GPRC5D: variants seen among roughly 807,000 people sequenced by gnomAD.
GPRC5D encodes the protein G protein-coupled receptor family C group 5 member D.
In GPRC5D, 20 loss-of-function variants were observed where a neutral mutation model predicts 29.3. That is an observed-to-expected ratio of 0.68 (90% CI 0.48 to 0.99). The LOEUF (loss-of-function observed/expected upper bound fraction) is 0.99, where lower values mean the gene tolerates loss of function less well. GPRC5D is among the 50% of genes least tolerant of loss of function. GPRC5D has a pLI of 0.00. For missense variants in GPRC5D, 384 were observed against 423.6 expected (o/e 0.91, Z 0.82); for synonymous variants, 178 against 171.3 (o/e 1.04, Z -0.30).
chr12:12,949,932 G>A (rs753719593), exon 1 of GPRC5D: 50 of 1,613,746 alleles, frequency 3.1e-5, no homozygotes, highest in Non-Finnish European at 4.1e-5. Flanking sequence ...CTCTGGTCAT[G>A]ATGAGAGTCA....
intron 2 of GPRC5D, 77 bp downstream of exon 3, chr12:12,942,184 A>G (rs1300921868): frequency 1.1e-6 from 1 of 929,060 alleles, no homozygotes; most frequent in Non-Finnish European, 1.8e-6. Context: ...AAGCCATTAG[A>G]AATGAAGCCT....
rs777649046 is a variant in GPRC5D, at chr12:12,949,628, A to G, written c.757T>C (p.Phe253Leu). The G allele has an allele frequency of 4.0e-5, 65 of 1,614,064 alleles. 1 individual carries two copies. Among genetic ancestry groups the G allele is most frequent in the Non-Finnish European group, 5.5e-5 (65 of 1,180,038 alleles). Residue 253 changes from phenylalanine (F) to leucine (L), a missense_variant, in exon 1 of 3, where the codon TTC (phenylalanine) becomes CTC (leucine). Transcript: ENST00000228887. Reference sequence around the variant, plus strand: ...TCAGGGACGATGTACAGCAGCAGGAAAACCCATGCGTTGGTGACCAGAGCA... The same window carrying G: ...TCAGGGACGATGTACAGCAGCAGGAGAACCCATGCGTTGGTGACCAGAGCA...
At chr12:12,944,820 TCCTTCCTTCCTTCCTTCCTTCCTTCC>T (rs1565477085) in intron 1 of GPRC5D, among the ~76,000 whole-genome samples, 2 of 13,992 alleles carry the variant, frequency 1.4e-4, no homozygotes, top group African/African-American at 2.8e-4. Flanking sequence ...CTTCCTTCCT[TCCTTCCTTCCTTCCTTCCTTCCTTCC>T]TTCCTTCTTT....
intron 1 of GPRC5D, chr12:12,948,333 A>G (rs927021216): frequency 1.3e-5 from 2 of 153,208 alleles, no homozygotes; most frequent in Non-Finnish European, 2.9e-5. Flanking sequence ...CTTTTATGGG[A>G]AAAAGTGTGT....
At chr12:12,942,188 G>A in intron 2 of GPRC5D, 73 bp downstream of exon 3, 1 of 948,078 alleles carries the variant, frequency 1.1e-6, no homozygotes, top group Non-Finnish European at 1.7e-6. Flanking sequence ...CATTAGAAAT[G>A]AAGCCTGAGG....
intron 1 of GPRC5D, 138 bp from the exon 3 acceptor site, chr12:12,942,466 G>A (rs1863178152): frequency 3.2e-6 from 2 of 630,514 alleles, no homozygotes; most frequent in South Asian, 1.9e-5. Context: ...TGGGCACGGT[G>A]GCTCACGCCT....
chr12:12,942,418 C>T (rs1245349839), intron 1 of GPRC5D, 90 bp from the exon 3 acceptor site: 7 of 803,122 alleles, frequency 8.7e-6, no homozygotes, highest in Non-Finnish European at 1.5e-5. Flanking sequence ...CCATGGCTTG[C>T]AAACAGGCTC....
intron 1 of GPRC5D, among the ~76,000 whole-genome samples, chr12:12,944,191 ACTC>A (rs1489775885): frequency 6.6e-6 from 1 of 151,750 alleles, no homozygotes; most frequent in Non-Finnish European, 1.5e-5. Context: ...GCAACCTTGA[ACTC>A]CTGGACTCAA....
intron 1 of GPRC5D, among the ~76,000 whole-genome samples, chr12:12,943,296 G>C (rs1417848511): frequency 6.6e-6 from 1 of 152,180 alleles, no homozygotes; most frequent in African/African-American, 2.4e-5. Context: ...GATGATCACA[G>C]ACATAACCGT....
chr12:12,947,568 C>G (rs1265553049), intron 1 of GPRC5D, among the ~76,000 whole-genome samples: 1 of 105,756 alleles, frequency 9.5e-6, no homozygotes, highest in Non-Finnish European at 1.9e-5. Context: ...TCCCTTCTTT[C>G]TTTTATTTTA....
At chr12:12,940,696 T>C (rs536884643), downstream of GPRC5D, 2 of 809,392 alleles carry the variant, frequency 2.5e-6, no homozygotes, top group South Asian at 2.8e-5. Context: ...AGCGTGACTC[T>C]GTGGGCCCCC....
rs978875015 is a variant in GPRC5D at position 12,947,524 on chromosome 12, T to TCTTC, written c.895+1962_895+1965dup. ...AATTCCTTCCCTTCCTTCCTTCCTT[T>TCTTC]CTTCCTTCCTTCCTTCCTCCCTCCC... On this transcript the variant is annotated intron_variant, in intron 1 of 2. Transcript: ENST00000228887. 2.2e-4 allele frequency among the ~76,000 whole-genome samples: 33 copies of TCTTC among 151,768 alleles called. 1 individual carries two copies. The highest frequency in any genetic ancestry group is 7.7e-4 in the East Asian group (4 of 5,174).
At chr12:12,942,599 G>T (rs552728179) in intron 1 of GPRC5D, among the ~76,000 whole-genome samples, 17 of 152,190 alleles carry the variant, frequency 1.1e-4, no homozygotes, top group Non-Finnish European at 2.2e-4. Context: ...GCTGGGCGTG[G>T]TGGCGTGCAC....
At chr12:12,948,872 C>T (rs140646141) in intron 1 of GPRC5D, among the ~76,000 whole-genome samples, 94 of 152,250 alleles carry the variant, frequency 6.2e-4, no homozygotes, top group Middle Eastern at 6.8e-3. Context: ...ACATCTGAGT[C>T]TTTACTCAGA....
exon 2 of GPRC5D, chr12:12,942,264 C>T (rs373908218): frequency 4.1e-5 from 66 of 1,599,068 alleles, no homozygotes; most frequent in African/African-American, 2.4e-4. Context: ...CATTTACCTG[C>T]GGCTGAATGG....
At chr12:12,949,670 C>T (rs201988511) in exon 1 of GPRC5D, 2 of 1,614,152 alleles carry the variant, frequency 1.2e-6, no homozygotes, top group Non-Finnish European at 1.7e-6. Context: ...ACGACCGGGT[C>T]GTCCCACTGG....
chr12:12,948,574 T>G (rs189457669), intron 1 of GPRC5D: 1 of 154,286 alleles, frequency 6.5e-6, no homozygotes, highest in Non-Finnish European at 1.5e-5. Flanking sequence ...ATGTGAGAAA[T>G]CAGATGCCTA....
intron 1 of GPRC5D, among the ~76,000 whole-genome samples, chr12:12,944,811 TTCC>T (rs1565477045): frequency 0.28 from 4,098 of 14,514 alleles, 930 homozygotes; most frequent in Admixed American, 0.46. Context: ...CCTTCCTTCC[TTCC>T]TTCCTTCCTT....
exon 1 of GPRC5D, chr12:12,949,849 A>G: frequency 6.2e-7 from 1 of 1,614,190 alleles, no homozygotes. Context: ...GGCCATCAGG[A>G]AGAGGACATA....
Sources: gnomAD v4.1 joint callset for allele counts (sites outside exome capture counted in the v4.1 genomes callset) on GRCh38, gnomAD v4.1.1 for gene constraint, MANE v1.5 for transcripts, NCBI Gene and HGNC (gene_info 2026-07-23, HGNC 2026-07-21) for gene names.